Variants in MOB3B observed in about 807,000 individuals in gnomAD.
MOB3B encodes the protein MOB kinase activator 3B, also known as MOB kinase activator-like 2B.
Under a neutral mutation model 18.7 loss-of-function variants are expected in MOB3B, and 7 were observed. That is an observed-to-expected ratio of 0.37 (90% CI 0.21 to 0.70). MOB3B has a LOEUF of 0.70. Among genes scored for constraint, MOB3B ranks in the 30% least tolerant of loss-of-function variants. MOB3B has a pLI of 0.52. For missense variants in MOB3B, 253 were observed against 281.3 expected (o/e 0.90, Z 0.72); for synonymous variants, 111 against 99.9 (o/e 1.11, Z -0.66).
rs74950123 is a variant in MOB3B, at chr9:27,331,317, A to C, written c.622-701T>G. Among the ~76,000 whole-genome samples, 1,020 of 152,142 alleles carry C rather than the reference A, an allele frequency of 6.7e-3. 10 individuals are homozygous for C. Among genetic ancestry groups the C allele is most frequent in the East Asian group, 0.04 (207 of 5,168 alleles). ...CTGCGCCTGCCCCTCTTCATTTGTC[A>C]AATTGCCACTCATTTTTCCACCTCA... On this transcript the variant is annotated intron_variant, in intron 3 of 3. Coordinates refer to ENST00000262244, the MANE Select transcript of MOB3B (RefSeq NM_024761.5).
At chr9:27,487,531 C>G (rs186814560) in intron 1 of MOB3B, among the ~76,000 whole-genome samples, 1 of 152,228 alleles carries the variant, frequency 6.6e-6, no homozygotes, top group East Asian at 1.9e-4. Context: ...TCCATGAGAC[C>G]TGGGGGGCCA....
chr9:27,513,457 C>T (rs1371124001), intron 1 of MOB3B, among the ~76,000 whole-genome samples: 5 of 152,282 alleles, frequency 3.3e-5, no homozygotes, highest in East Asian at 1.9e-4. Flanking sequence ...CTCTTTCATA[C>T]GTTTTAACTG....
At chr9:27,475,268 A>G (rs1178624893) in intron 1 of MOB3B, among the ~76,000 whole-genome samples, 4 of 152,256 alleles carry the variant, frequency 2.6e-5, no homozygotes, top group African/African-American at 4.8e-5. Flanking sequence ...GCTCCTTCCC[A>G]GTCAAACCTT....
chr9:27,495,083 C>G (rs572722486), intron 1 of MOB3B, among the ~76,000 whole-genome samples: 2 of 152,080 alleles, frequency 1.3e-5, no homozygotes, highest in Admixed American at 6.5e-5. Context: ...AATTCCAGCA[C>G]TTTAGGAGGC....
intron 2 of MOB3B, among the ~76,000 whole-genome samples, chr9:27,447,993 A>G (rs1822720176): frequency 6.6e-6 from 1 of 152,062 alleles, no homozygotes; most frequent in Non-Finnish European, 1.5e-5. Flanking sequence ...CATCAGGTGC[A>G]GGGCCCTGGG....
chr9:27,343,534 G>C (rs186090382), intron 3 of MOB3B, among the ~76,000 whole-genome samples: 6 of 150,018 alleles, frequency 4.0e-5, no homozygotes, highest in Admixed American at 4.0e-4. Flanking sequence ...GAGTATGAGA[G>C]GAGACAAGTC....
intron 2 of MOB3B, among the ~76,000 whole-genome samples, chr9:27,441,310 T>G (rs1822591852): frequency 6.6e-6 from 1 of 152,222 alleles, no homozygotes; most frequent in Admixed American, 6.5e-5. Context: ...TGAGCAACCT[T>G]AGCCTACAAT....
At chr9:27,515,724 A>C (rs758861002) in intron 1 of MOB3B, among the ~76,000 whole-genome samples, 2 of 152,154 alleles carry the variant, frequency 1.3e-5, no homozygotes, top group African/African-American at 2.4e-5. Flanking sequence ...AAACACTTCC[A>C]TACTAGCTCA....
intron 1 of MOB3B, among the ~76,000 whole-genome samples, chr9:27,513,359 AG>A (rs1260303293): frequency 6.6e-6 from 1 of 152,082 alleles, no homozygotes; most frequent in Non-Finnish European, 1.5e-5. Context: ...CTTCTACTCT[AG>A]CCCCTTCTCC....
intron 2 of MOB3B, among the ~76,000 whole-genome samples, chr9:27,371,564 C>A (rs1178116692): frequency 6.6e-6 from 1 of 152,136 alleles, no homozygotes; most frequent in African/African-American, 2.4e-5. Flanking sequence ...CAAAGTCAAG[C>A]TAAATTCATG....
intron 1 of MOB3B, among the ~76,000 whole-genome samples, chr9:27,486,145 G>A (rs1260260372): frequency 6.6e-6 from 1 of 152,212 alleles, no homozygotes; most frequent in African/African-American, 2.4e-5. Flanking sequence ...CAACGGGCAA[G>A]AGCTAGTTTC....
chr9:27,498,461 T>TCC lies in MOB3B; in HGVS notation c.-199+31092_-199+31093dup, dbSNP rs1477042588. On this transcript the variant is annotated intron_variant, in intron 1 of 3. Transcript: ENST00000262244. The stretch of plus-strand genomic sequence containing the variant: ...GCTGGTTCTGCCATGGTCTTTGTAA[T>TCC]CCCTTTGCAAATGCACCTTTGGACA... Among the ~76,000 whole-genome samples, 5 of 152,232 alleles carry TCC rather than the reference T, an allele frequency of 3.3e-5. No individual in the cohort carries two copies. The South Asian group carries it at 1.0e-3, about 32-fold the overall frequency.
chr9:27,361,743 A>G (rs1004789197), intron 2 of MOB3B, among the ~76,000 whole-genome samples: 1 of 152,230 alleles, frequency 6.6e-6, no homozygotes, highest in African/African-American at 2.4e-5. Context: ...CAGCGGGGAA[A>G]TAGTAGAGGA....
At chr9:27,427,238 T>C (rs1294949059) in intron 2 of MOB3B, among the ~76,000 whole-genome samples, 1 of 152,142 alleles carries the variant, frequency 6.6e-6, no homozygotes, top group Non-Finnish European at 1.5e-5. Flanking sequence ...GTACAACCCA[T>C]AGACTTTATG....
At chr9:27,363,176 T>G (rs1396883745) in intron 2 of MOB3B, among the ~76,000 whole-genome samples, 2 of 152,238 alleles carry the variant, frequency 1.3e-5, no homozygotes, top group East Asian at 3.8e-4. Flanking sequence ...AAAAGGGAAT[T>G]CCAAATGAGG....
intron 1 of MOB3B, among the ~76,000 whole-genome samples, chr9:27,482,989 A>C (rs1819683780): frequency 2.0e-5 from 3 of 152,184 alleles, no homozygotes; most frequent in African/African-American, 7.2e-5. Flanking sequence ...ACATAGCTAC[A>C]GCGCTTGCAG....
At chr9:27,332,349 ATG>A (rs917475830) in intron 3 of MOB3B, among the ~76,000 whole-genome samples, 1 of 152,118 alleles carries the variant, frequency 6.6e-6, no homozygotes, top group African/African-American at 2.4e-5. Context: ...CAACAAGAGC[ATG>A]TGTGTGTGTG....
At chr9:27,491,968 G>T (rs1182433743) in intron 1 of MOB3B, among the ~76,000 whole-genome samples, 2 of 152,196 alleles carry the variant, frequency 1.3e-5, no homozygotes, top group African/African-American at 2.4e-5. Flanking sequence ...CTCTTTTAAA[G>T]TCTTGTCTGA....
chr9:27,345,113 A>T (rs1285416443), intron 3 of MOB3B, among the ~76,000 whole-genome samples: 1 of 152,148 alleles, frequency 6.6e-6, no homozygotes, highest in Non-Finnish European at 1.5e-5. Flanking sequence ...CCAATAAATG[A>T]CCACTGTCTT....
Sources: gnomAD v4.1 joint callset for allele counts (sites outside exome capture counted in the v4.1 genomes callset) on GRCh38, gnomAD v4.1.1 for gene constraint, MANE v1.5 for transcripts, NCBI Gene and HGNC (gene_info 2026-07-23, HGNC 2026-07-21) for gene names.